Variants in PCSK5 observed in about 807,000 individuals in gnomAD.
PCSK5 encodes proprotein convertase subtilisin/kexin type 5.
A neutral mutation model predicts 233.2 loss-of-function variants in PCSK5; 129 were observed. The observed-to-expected ratio is 0.55, with a 90% CI of 0.48 to 0.64. PCSK5 has a LOEUF of 0.64. Ranked by LOEUF, PCSK5 falls within the 30% of genes least tolerant of loss-of-function variation. The pLI is 0.00. For missense variants in PCSK5, 2,076 were observed against 2,430.1 expected (o/e 0.85, Z 3.06); for synonymous variants, 825 against 879.2 (o/e 0.94, Z 1.09).
chr9:76,075,460 C>A (rs537422235), intron 7 of PCSK5, among the ~76,000 whole-genome samples: 1 of 151,980 alleles, frequency 6.6e-6, no homozygotes, highest in Non-Finnish European at 1.5e-5. Flanking sequence ...CTCTAAATAT[C>A]TATTAATATA....
At chr9:76,046,171 T>G (rs936093989) in intron 5 of PCSK5, among the ~76,000 whole-genome samples, 3 of 89,616 alleles carry the variant, frequency 3.3e-5, no homozygotes, top group African/African-American at 4.6e-5. Context: ...TTTTTTTTTT[T>G]TTTTTTTTTT....
intron 1 of PCSK5, among the ~76,000 whole-genome samples, chr9:75,912,937 C>G (rs1390653490): frequency 6.6e-6 from 1 of 152,226 alleles, no homozygotes; most frequent in Non-Finnish European, 1.5e-5. Flanking sequence ...CCTGCTCTGT[C>G]TCCTTGCAGT....
At chr9:76,212,100 C>T (rs977912609) in intron 20 of PCSK5, among the ~76,000 whole-genome samples, 7 of 152,186 alleles carry the variant, frequency 4.6e-5, no homozygotes, top group Admixed American at 1.3e-4. Flanking sequence ...ACCTTCTCTT[C>T]GTGTGAGTTT....
chr9:75,997,533 T>G (rs530976380), intron 3 of PCSK5, among the ~76,000 whole-genome samples: 1 of 152,134 alleles, frequency 6.6e-6, no homozygotes, highest in African/African-American at 2.4e-5. Flanking sequence ...TAGTCCAAAA[T>G]GCAGATGATT....
chr9:76,215,130 C>G (rs1403624738), intron 20 of PCSK5, among the ~76,000 whole-genome samples: 1 of 152,242 alleles, frequency 6.6e-6, no homozygotes, highest in Non-Finnish European at 1.5e-5. Flanking sequence ...GGCAGCTTTT[C>G]CACAGCCCAT....
Position 75,937,180 on chromosome 9 carries a change from C to CTT in PCSK5, c.297+4715_297+4716dup, listed in dbSNP as rs35148539. ...CAGGCAGACTAGATTTAGCATAATT[C>CTT]TTTTTTTTTTTTTTTTTTTAAAGAG... On this transcript the variant is annotated intron_variant, in intron 2 of 37. Transcript: ENST00000674117. 2.1e-3 allele frequency among the ~76,000 whole-genome samples: 282 copies of CTT among 136,184 alleles called. 3 individuals are homozygous for CTT. Among genetic ancestry groups the CTT allele is most frequent in the African/African-American group, 6.5e-3 (235 of 36,296 alleles). 89.3% of individuals were successfully genotyped at this position (136,184 alleles called of 152,430 possible). A position where few individuals can be genotyped will look rare whatever the true frequency, so the allele number is the denominator to read the frequency against.
At chr9:75,910,632 G>T (rs1822685045) in intron 1 of PCSK5, among the ~76,000 whole-genome samples, 1 of 150,676 alleles carries the variant, frequency 6.6e-6, no homozygotes, top group Admixed American at 6.6e-5. Context: ...GTTGCAGGTT[G>T]TCTTTTATTT....
intron 5 of PCSK5, among the ~76,000 whole-genome samples, chr9:76,031,304 C>T (rs557255811): frequency 7.9e-5 from 12 of 152,212 alleles, no homozygotes; most frequent in South Asian, 4.2e-4. Flanking sequence ...TGACTTTTAG[C>T]CTTGGCTCTC....
chr9:76,189,683 A>G lies in PCSK5; in HGVS notation c.2563A>G (p.Ser855Gly). The G allele has an allele frequency of 6.2e-7, 1 of 1,613,418 alleles. No individual in the cohort carries two copies. Among genetic ancestry groups the G allele is most frequent in the South Asian group, 1.1e-5 (1 of 91,070 alleles). ...TGGCCCAGGATTCAAGAACTGTACAAGCTGCCCTAGTGGGTATCTCTTAGA... is the reference window on the plus strand; with the variant it reads ...TGGCCCAGGATTCAAGAACTGTACAGGCTGCCCTAGTGGGTATCTCTTAGA... ...CNGPGFKNCT[S>G]CPSGYLLDLG... The change falls in exon 20 of 38, where the codon AGC (serine) becomes GGC (glycine). Residue 855 changes from serine to glycine, a missense_variant. This residue lies in a region of PCSK5 where 1,510 missense variants were observed against 1,538.1 expected (regional missense o/e 0.98). Coordinates refer to ENST00000674117, the MANE Select transcript of PCSK5 (RefSeq NM_001372043.1).
intron 5 of PCSK5, among the ~76,000 whole-genome samples, chr9:76,049,974 G>A (rs1364221294): frequency 1.3e-5 from 2 of 152,212 alleles, no homozygotes; most frequent in South Asian, 4.2e-4. Context: ...AATAAATGTA[G>A]ACTTGTAAAT....
At chr9:75,984,736 G>A (rs1826430244) in intron 2 of PCSK5, among the ~76,000 whole-genome samples, 1 of 152,124 alleles carries the variant, frequency 6.6e-6, no homozygotes, top group Non-Finnish European at 1.5e-5. Context: ...ACTCATCTTT[G>A]TATTTCTAAC....
intron 5 of PCSK5, among the ~76,000 whole-genome samples, chr9:76,049,348 A>G (rs1457345566): frequency 6.6e-6 from 1 of 152,218 alleles, no homozygotes; most frequent in Non-Finnish European, 1.5e-5. Flanking sequence ...TTTGAAGGGA[A>G]GCATTCTTTA....
intron 33 of PCSK5, among the ~76,000 whole-genome samples, chr9:76,331,978 A>T (rs1033107256): frequency 1.3e-5 from 2 of 152,208 alleles, no homozygotes; most frequent in Admixed American, 1.3e-4. Flanking sequence ...GCAATAAGAG[A>T]CTAATACGGC....
chr9:76,021,375 G>GC (rs1554674721), intron 3 of PCSK5, among the ~76,000 whole-genome samples: 6 of 151,418 alleles, frequency 4.0e-5, no homozygotes, highest in Admixed American at 2.6e-4. Flanking sequence ...GGGTTGGGGG[G>GC]TGTATTTCTA....
At chr9:75,981,023 C>T (rs890010744) in intron 2 of PCSK5, among the ~76,000 whole-genome samples, 4 of 152,078 alleles carry the variant, frequency 2.6e-5, no homozygotes, top group Non-Finnish European at 5.9e-5. Context: ...CTGAATTGGT[C>T]GAAGCTAGTT....
At chr9:76,140,306 G>A (rs1823157798) in intron 10 of PCSK5, among the ~76,000 whole-genome samples, 1 of 152,082 alleles carries the variant, frequency 6.6e-6, no homozygotes, top group Non-Finnish European at 1.5e-5. Context: ...TTAAATTCTA[G>A]AAGAAAGTCT....
At chr9:76,314,659 C>T (rs563696753) in intron 30 of PCSK5, among the ~76,000 whole-genome samples, 11 of 151,884 alleles carry the variant, frequency 7.2e-5, no homozygotes, top group African/African-American at 2.4e-4. Context: ...TTTTTTGAGA[C>T]CAAGTCTCTC....
rs189729336 is a variant in PCSK5 at position 76,222,724 on chromosome 9, G to A, written c.2627-4779G>A. ...ATTGTGTTGACTTAAAGATGTTGCA[G>A]TCTCAGTTGATGGCCTCATAGTTTG... On this transcript the variant is annotated intron_variant, in intron 20 of 37. Transcript: ENST00000674117. 2.5e-3 allele frequency among the ~76,000 whole-genome samples: 387 copies of A among 152,284 alleles called. 1 individual carries two copies. Among genetic ancestry groups the A allele is most frequent in the Non-Finnish European group, 4.0e-3 (273 of 68,020 alleles).
chr9:75,974,979 T>C lies in PCSK5; in HGVS notation c.298-11153T>C, dbSNP rs187687675. The stretch of plus-strand genomic sequence containing the variant: ...TTCATAAAGCTAGAGCTTGCCAACA[T>C]AACAATTGGTCACCCCTTGACTTCT... On this transcript the variant is annotated intron_variant, in intron 2 of 37. Transcript: ENST00000674117. 1.5e-3 allele frequency among the ~76,000 whole-genome samples: 228 copies of C among 152,324 alleles called. 2 individuals carry two copies. The highest frequency in any genetic ancestry group is 2.7e-3 in the Non-Finnish European group (182 of 68,016).
Sources: gnomAD v4.1 joint callset for allele counts (sites outside exome capture counted in the v4.1 genomes callset) on GRCh38, gnomAD v4.1.1 for gene constraint, gnomAD v4.1.1 regional missense constraint, MANE v1.5 for transcripts, NCBI Gene and HGNC (gene_info 2026-07-23, HGNC 2026-07-21) for gene names.